Variants in CD93 observed in about 807,000 individuals in gnomAD.
CD93 encodes complement component C1q receptor.
Under a neutral mutation model 45.5 loss-of-function variants are expected in CD93, and 44 were observed. The ratio of observed to expected loss-of-function variants is 0.97; its 90% CI spans 0.76 to 1.24. CD93 has a LOEUF of 1.24. CD93 is among the 50% of genes most tolerant of loss of function. CD93 has a pLI of 0.00. For synonymous variants in CD93, 431 were observed against 370.8 expected (o/e 1.16, Z -1.87); for missense variants, 918 against 844.5 (o/e 1.09, Z -1.08).
rs1478278649 is a variant in CD93 at position 23,084,481 on chromosome 20, T to C, written c.1712A>G (p.Gln571Arg). ...TTGCCCGTCAGTGCCATCGTTGTTT[T>C]GTGTGGCCACGGAGGAGTCCCCACC... ...PAGGDSSVATQNNDGTDGQKL... is the reference protein window; with the variant it reads ...PAGGDSSVATRNNDGTDGQKL... Residue 571 changes from glutamine (Q) to arginine (R), a missense_variant, in exon 1 of 2, where the codon CAA becomes CGA. Coordinates refer to ENST00000246006, the MANE Select transcript of CD93 (RefSeq NM_012072.4). 6.2e-7 allele frequency: 1 copy of C among 1,614,196 alleles called. No individual in the cohort carries two copies. The highest frequency in any genetic ancestry group is 8.5e-7 in the Non-Finnish European group (1 of 1,180,040).
rs6048539 is a variant in CD93, at chr20:23,085,701, G to T, written c.492C>A (p.Pro164=). The part of the protein sequence containing the change: ...PSRLPKWSEG[P]CGSPGSPGSN... ...TTCCGGGGGAGCCTGGGCTCCCACA[G>T]GGGCCCTCAGACCACTTGGGGAGGC... Residue 164 remains proline (P), a synonymous_variant, in exon 1 of 2, where the codon CCC becomes CCA. Coordinates refer to ENST00000246006, the MANE Select transcript of CD93 (RefSeq NM_012072.4). The T allele has an allele frequency of 2.5e-6, 4 of 1,611,126 alleles. No individual in the cohort carries two copies. In the Admixed American group the frequency reaches 5.0e-5, roughly 20 times the overall value.
Position 23,085,212 on chromosome 20 carries a change from C to T in CD93, c.981G>A (p.Thr327=), listed in dbSNP as rs770618913. The change falls in exon 1 of 2, where the codon ACG becomes ACA. Residue 327 remains threonine (T), a synonymous_variant. Transcript: ENST00000246006. ...CVLGPHGKNY[T]CRCPQGYQLD... ...GCTGGTACCCTTGGGGGCAGCGGCA[C>T]GTGTAGTTTTTCCCATGGGGTCCCA... is the stretch of plus-strand genomic sequence containing the variant. 14 of 1,602,362 alleles carry T rather than the reference C, an allele frequency of 8.7e-6. No homozygotes were observed. The highest frequency in any genetic ancestry group is 3.4e-5 in the South Asian group (3 of 89,036).
At position 23,080,876 on chromosome 20, in the gene CD93, T is replaced by C. The variant is rs1985305594; in HGVS notation, c.*3074A>G. The C allele has an allele frequency of 6.6e-6, 1 of 152,234 alleles. No homozygotes were observed. Among genetic ancestry groups the C allele is most frequent in the Non-Finnish European group, 1.5e-5 (1 of 68,052 alleles). 9.4% of individuals were successfully genotyped at this position (152,234 alleles called of 1,614,324 possible). A position where few individuals can be genotyped will look rare whatever the true frequency, so the allele number is the denominator to read the frequency against. On this transcript the variant is annotated 3_prime_UTR_variant, in exon 2 of 2. Transcript: ENST00000246006. ...CAAGTTCTAATGCATTGTCGATAAC[T>C]GTCCTGCCCTGGTTTTTCTGCATTC...
At position 23,079,418 on chromosome 20, in the gene CD93, T is replaced by A. The variant is rs1985267091; in HGVS notation, c.*4532A>T. On this transcript the variant is annotated 3_prime_UTR_variant, in exon 2 of 2. Transcript: ENST00000246006. Reference sequence around the variant, plus strand: ...CAGAAAGCTCAAAGGACAACAAAGCTGCACCTTCCTAAAGGCTGACCCTCA... The same window carrying A: ...CAGAAAGCTCAAAGGACAACAAAGCAGCACCTTCCTAAAGGCTGACCCTCA... 6.6e-6 allele frequency: 1 copy of A among 152,208 alleles called. No individual in the cohort carries two copies. The highest frequency in any genetic ancestry group is 1.5e-5 in the Non-Finnish European group (1 of 68,034). 9.4% of individuals were successfully genotyped at this position (152,208 alleles called of 1,614,324 possible).
chr20:23,085,178 T>G lies in CD93; in HGVS notation c.1015A>C (p.Ser339Arg), dbSNP rs1180589450. 6.3e-7 allele frequency: 1 copy of G among 1,586,406 alleles called. No homozygotes were observed. Among genetic ancestry groups the G allele is most frequent in the Non-Finnish European group, 8.6e-7 (1 of 1,165,552 alleles). ...TCCACGTCCACACAGTCCAGCTGAC[T>G]CGAGTCCAGCTGGTACCCTTGGGGG... The part of the protein sequence containing the change: ...RCPQGYQLDS[S>R]QLDCVDVDEC... The change falls in exon 1 of 2, where the codon AGT (serine) becomes CGT (arginine). Residue 339 changes from serine (S) to arginine (R), a missense_variant. Ser to Arg is a moderately radical substitution (Grantham distance 110). Transcript: ENST00000246006.
In CD93 at chr20:23,084,687, G is replaced by A. The variant is rs143572783; in HGVS notation, c.1506C>T (p.Pro502=). The A allele has an allele frequency of 1.5e-5, 23 of 1,585,038 alleles. No individual in the cohort carries two copies. Among genetic ancestry groups the A allele is most frequent in the Non-Finnish European group, 1.9e-5 (22 of 1,166,592 alleles). ...TGGGGGTGCCCTCGGGGCCCCTTGT[G>A]GGACTGGCTGTTGCAGCACGGGGCA... ...STVPRAATAS[P]TRGPEGTPKA... Residue 502 remains proline (P), a synonymous_variant, in exon 1 of 2, where the codon CCC becomes CCT. Coordinates refer to ENST00000246006, the MANE Select transcript of CD93 (RefSeq NM_012072.4).
At position 23,086,160 on chromosome 20, in the gene CD93, C is replaced by T. The variant is rs948484304; in HGVS notation, c.33G>A (p.Leu11=). The T allele has an allele frequency of 3.9e-5, 61 of 1,554,520 alleles. 1 individual carries two copies. Among genetic ancestry groups the T allele is most frequent in the Non-Finnish European group, 4.9e-5 (57 of 1,156,834 alleles). ...CCCCGGGCTGGGTCAGGAGCAGCAG[C>T]AGCAGCAGCAGCAGGCCCATGGAGG... MATSMGLLLL[L]LLLLTQPGAG... is the part of the protein sequence containing the mutation. The change falls in exon 1 of 2, where the codon CTG becomes CTA. Residue 11 remains leucine, a synonymous_variant. Transcript: ENST00000246006.
At position 23,085,374 on chromosome 20, in the gene CD93, CT is replaced by C; in HGVS notation, c.818del (p.Gln273ArgfsTer26). 1 of 1,613,992 alleles carries C rather than the reference CT, an allele frequency of 6.2e-7. No individual in the cohort carries two copies. Among genetic ancestry groups the C allele is most frequent in the Non-Finnish European group, 8.5e-7 (1 of 1,179,982 alleles). On this transcript the variant is annotated frameshift_variant, in exon 1 of 2. Transcript: ENST00000246006. LOFTEE classifies it high-confidence loss of function. ...AGCCATCCCCCCCTTCAAAGCAGTC[CT>C]GGTGGCAGCCCCCATTGTTGAAGTT... Reference protein sequence around the residue: ...GCNFNNGGCHQDCFEGGDGSF... With the variant: ...GCNFNNGGCHXDCFEGGDGSF...
chr20:23,083,447 A>G lies in CD93; in HGVS notation c.*503T>C, dbSNP rs1318856320. The G allele has an allele frequency of 6.4e-6, 1 of 156,782 alleles. No individual in the cohort carries two copies. Among genetic ancestry groups the G allele is most frequent in the African/African-American group, 2.4e-5 (1 of 41,550 alleles). 9.7% of individuals were successfully genotyped at this position (156,782 alleles called of 1,614,324 possible). ...AATGGAGGAATGCAAATGTAAAGAA[A>G]TGTTTCCAGTCCGAACATGTTCCCT... On this transcript the variant is annotated 3_prime_UTR_variant, in exon 2 of 2. Coordinates refer to ENST00000246006, the MANE Select transcript of CD93 (RefSeq NM_012072.4).
Position 23,079,465 on chromosome 20 carries a change from CAGA to C in CD93, c.*4482_*4484del, listed in dbSNP as rs1985268441. The stretch of plus-strand genomic sequence containing the variant: ...CTCAAAGCACCATTTTGTTAGAACT[CAGA>C]GGAGAAGCTCGATCTCTGAGCCTTC... On this transcript the variant is annotated 3_prime_UTR_variant, in exon 2 of 2. Coordinates refer to ENST00000246006, the MANE Select transcript of CD93 (RefSeq NM_012072.4). 1 of 152,238 alleles carries C rather than the reference CAGA, an allele frequency of 6.6e-6. No homozygotes were observed. Among genetic ancestry groups the C allele is most frequent in the African/African-American group, 2.4e-5 (1 of 41,464 alleles). 9.4% of individuals were successfully genotyped at this position (152,238 alleles called of 1,614,324 possible). A position where few individuals can be genotyped will look rare whatever the true frequency, so the allele number is the denominator to read the frequency against.
At position 23,081,435 on chromosome 20, in the gene CD93, A is replaced by G. The variant is rs566251962; in HGVS notation, c.*2515T>C. The G allele has an allele frequency of 6.6e-6, 1 of 152,488 alleles. No homozygotes were observed. The highest frequency in any genetic ancestry group is 2.1e-4 in the South Asian group (1 of 4,830). 9.4% of individuals were successfully genotyped at this position (152,488 alleles called of 1,614,324 possible). On this transcript the variant is annotated 3_prime_UTR_variant, in exon 2 of 2. Transcript: ENST00000246006. ...CAAGATCCCCCAAACAAGAATTTCC[A>G]TGCTTCAAAGTAACAGCAAAAATAA... is the stretch of plus-strand genomic sequence containing the variant.
In CD93 at chr20:23,081,842, C is replaced by T. The variant is rs1275658450; in HGVS notation, c.*2108G>A. 1 of 152,194 alleles carries T rather than the reference C, an allele frequency of 6.6e-6. No homozygotes were observed. The highest frequency in any genetic ancestry group is 2.1e-4 in the South Asian group (1 of 4,832). 9.4% of individuals were successfully genotyped at this position (152,194 alleles called of 1,614,324 possible). On this transcript the variant is annotated 3_prime_UTR_variant, in exon 2 of 2. Transcript: ENST00000246006. ...GGGAAGCCAAGGACAGAAATGTCTC[C>T]TTCACCCCAAATGATAAGGGCAAGG... is the stretch of plus-strand genomic sequence containing the variant.
rs748343358 is a variant in CD93, at chr20:23,085,615, A to G, written c.578T>C (p.Leu193Pro). Residue 193 changes from leucine to proline, a missense_variant, in exon 1 of 2, where the codon CTG (leucine) becomes CCG (proline). Coordinates refer to ENST00000246006, the MANE Select transcript of CD93 (RefSeq NM_012072.4). ...SFKGMCRPLA[L>P]GGPGQVTYTT... is the part of the protein sequence containing the mutation. Reference sequence around the variant, plus strand: ...GTAGGTCACCTGACCTGGGCCCCCCAGGGCCAGAGGCCGGCACATGCCTTT... The same window carrying G: ...GTAGGTCACCTGACCTGGGCCCCCCGGGGCCAGAGGCCGGCACATGCCTTT... The G allele has an allele frequency of 1.2e-6, 2 of 1,613,254 alleles. No homozygotes were observed. The highest frequency in any genetic ancestry group is 1.7e-6 in the Non-Finnish European group (2 of 1,179,890).
Position 23,085,846 on chromosome 20 carries a change from C to T in CD93, c.347G>A (p.Trp116Ter). The T allele has an allele frequency of 6.3e-7, 1 of 1,591,092 alleles. No individual in the cohort carries two copies. Among genetic ancestry groups the T allele is most frequent in the Non-Finnish European group, 8.5e-7 (1 of 1,170,180 alleles). The change falls in exon 1 of 2, where the codon TGG becomes TAG. Residue 116 changes from tryptophan to a stop codon, truncating the protein, a stop_gained. Coordinates refer to ENST00000246006, the MANE Select transcript of CD93 (RefSeq NM_012072.4). LOFTEE classifies it high-confidence loss of function. The stretch of plus-strand genomic sequence containing the variant: ...AGGCGTGTCCTCCCCCCCGCCCACC[C>T]AGCTGAAGCCCTTCAGCGGCAGACT... ...DPSLPLKGFSWVGGGEDTPYS... is the reference protein window; with the variant it reads ...DPSLPLKGFS
In CD93 at chr20:23,082,995, C is replaced by T. The variant is rs1985365035; in HGVS notation, c.*955G>A. ...CTGCAGGGCTTCCTCTGTCTGAGCT[C>T]GGAGCACTGGCATTCCGGGCAGGAT... On this transcript the variant is annotated 3_prime_UTR_variant, in exon 2 of 2. Transcript: ENST00000246006. 3 of 152,662 alleles carry T rather than the reference C, an allele frequency of 2.0e-5. No homozygotes were observed. Among genetic ancestry groups the T allele is most frequent in the African/African-American group, 4.8e-5 (2 of 41,452 alleles). The allele number at this position is 152,662 out of a possible 1,614,324, so 9.5% of individuals were successfully genotyped here. A position where few individuals can be genotyped will look rare whatever the true frequency, so the allele number is the denominator to read the frequency against.
chr20:23,086,151 G>A lies in CD93; in HGVS notation c.42C>T (p.Leu14=). 1.3e-6 allele frequency: 2 copies of A among 1,569,190 alleles called. No homozygotes were observed. Among genetic ancestry groups the A allele is most frequent in the Non-Finnish European group, 1.7e-6 (2 of 1,164,712 alleles). The part of the protein sequence containing the change: ...SMGLLLLLLL[L]LTQPGAGTGA... ...CCGTCCCCGCCCCGGGCTGGGTCAG[G>A]AGCAGCAGCAGCAGCAGCAGCAGGC... Residue 14 remains leucine, a synonymous_variant, in exon 1 of 2, where the codon CTC becomes CTT. Transcript: ENST00000246006.
At position 23,085,528 on chromosome 20, in the gene CD93, T is replaced by C. The variant is rs774652973; in HGVS notation, c.665A>G (p.Asn222Ser). ...LEAVPFASAA[N>S]VACGEGDKDE... ...CTTGTCACCTTCCCCACAGGCTACA[T>C]TGGCCGCAGAGGCAAAGGGCACAGC... Residue 222 changes from asparagine (N) to serine (S), a missense_variant, in exon 1 of 2, where the codon AAT becomes AGT. Transcript: ENST00000246006. 8 of 1,613,928 alleles carry C rather than the reference T, an allele frequency of 5.0e-6. No homozygotes were observed. Among genetic ancestry groups the C allele is most frequent in the South Asian group, 3.3e-5 (3 of 91,086 alleles).
rs948157492 is a variant in CD93, at chr20:23,081,831, A to T, written c.*2119T>A. ...GTTGGGGCTGTGGGAAGCCAAGGAC[A>T]GAAATGTCTCCTTCACCCCAAATGA... On this transcript the variant is annotated 3_prime_UTR_variant, in exon 2 of 2. Transcript: ENST00000246006. The T allele has an allele frequency of 6.6e-6, 1 of 152,274 alleles. No homozygotes were observed. Among genetic ancestry groups the T allele is most frequent in the Non-Finnish European group, 1.5e-5 (1 of 68,054 alleles). 9.4% of individuals were successfully genotyped at this position (152,274 alleles called of 1,614,324 possible). A position where few individuals can be genotyped will look rare whatever the true frequency, so the allele number is the denominator to read the frequency against.
chr20:23,083,234 C>G lies in CD93; in HGVS notation c.*716G>C, dbSNP rs1236945754. On this transcript the variant is annotated 3_prime_UTR_variant, in exon 2 of 2. Coordinates refer to ENST00000246006, the MANE Select transcript of CD93 (RefSeq NM_012072.4). ...GTAGATTATGTGACTTCACAAACACCTGTAATGCACTTCAAGCAACTTTTC... is the reference window on the plus strand; with the variant it reads ...GTAGATTATGTGACTTCACAAACACGTGTAATGCACTTCAAGCAACTTTTC... 4.6e-5 allele frequency: 7 copies of G among 152,314 alleles called. No individual in the cohort carries two copies. Among genetic ancestry groups the G allele is most frequent in the African/African-American group, 1.7e-4 (7 of 41,464 alleles). The allele number at this position is 152,314 out of a possible 1,614,324, so 9.4% of individuals were successfully genotyped here.
Sources: allele counts gnomAD v4.1 joint callset, GRCh38; gene constraint gnomAD v4.1.1; transcripts MANE v1.5; gene names NCBI Gene and HGNC (gene_info 2026-07-23, HGNC 2026-07-21).